The following HDAC4 variants were observed in gnomAD, a reference collection of about 807,000 sequenced individuals.
HDAC4 encodes the protein histone deacetylase A.
HDAC4 carries 16 observed loss-of-function variants against 135.1 expected under a neutral mutation model. That is an observed-to-expected ratio of 0.12 (90% CI 0.08 to 0.18). HDAC4 has a LOEUF of 0.18. HDAC4 is among the 10% of genes least tolerant of loss of function. The pLI is 1.00. For synonymous variants in HDAC4, 685 were observed against 653.4 expected (o/e 1.05, Z -0.74); for missense variants, 1,143 against 1,511.8 (o/e 0.76, Z 4.05).
At chr2:239,134,676 C>T in intron 9 of HDAC4, 33 bp from the exon 10 acceptor site, 1 of 1,516,196 alleles carries the variant, frequency 6.6e-7, no homozygotes, top group East Asian at 2.3e-5. Flanking sequence ...CCATCACAGT[C>T]TGTCACGGCC....
chr2:239,089,338 G>GC (rs1553611112), intron 18 of HDAC4, among the ~76,000 whole-genome samples: 1 of 151,852 alleles, frequency 6.6e-6, no homozygotes, highest in African/African-American at 2.4e-5. Flanking sequence ...TAATTTTTTA[G>GC]TTTTTTTTGA....
chr2:239,152,213 C>T (rs1389402945), intron 7 of HDAC4, among the ~76,000 whole-genome samples: 1 of 152,240 alleles, frequency 6.6e-6, no homozygotes, highest in East Asian at 1.9e-4. Flanking sequence ...GACTCAAAGG[C>T]TCTGTTTAAA....
chr2:239,124,210 A>T lies in HDAC4; in HGVS notation c.1533+2246T>A, dbSNP rs77883739. On this transcript the variant is annotated intron_variant, in intron 12 of 26. Transcript: ENST00000543185. ...AATGATATCATTTGTTGTTTTTAGTATATTTACAGAGCTGTGCAGTCATCA... is the reference window on the plus strand; with the variant it reads ...AATGATATCATTTGTTGTTTTTAGTTTATTTACAGAGCTGTGCAGTCATCA... Among the ~76,000 whole-genome samples the T allele has an allele frequency of 1.2e-3, 176 of 152,230 alleles. 1 individual carries two copies. The East Asian group carries it at 0.031, about 26-fold the overall frequency.
intron 7 of HDAC4, among the ~76,000 whole-genome samples, chr2:239,152,940 G>A (rs2042205349): frequency 6.6e-6 from 1 of 152,220 alleles, no homozygotes; most frequent in Admixed American, 6.5e-5. Flanking sequence ...ATAGCTCCAG[G>A]AGAGAAGCAA....
chr2:239,061,115 G>A (rs2032633652), intron 24 of HDAC4, among the ~76,000 whole-genome samples: 1 of 151,798 alleles, frequency 6.6e-6, no homozygotes, highest in Admixed American at 6.6e-5. Flanking sequence ...TTCACCGTTG[G>A]CACGGGGGGA....
chr2:239,243,703 CTG>C (rs2048320219), intron 2 of HDAC4, among the ~76,000 whole-genome samples: 1 of 152,228 alleles, frequency 6.6e-6, no homozygotes, highest in Non-Finnish European at 1.5e-5. Context: ...TTTAGAACAG[CTG>C]TGAGTTTATA....
At chr2:239,334,503 A>G (rs1691792377) in intron 2 of HDAC4, among the ~76,000 whole-genome samples, 1 of 146,338 alleles carries the variant, frequency 6.8e-6, no homozygotes, top group Non-Finnish European at 1.5e-5. Context: ...CCTGGGCAGC[A>G]GAGCAAGACT....
intron 21 of HDAC4, among the ~76,000 whole-genome samples, chr2:239,081,682 C>T (rs550018511): frequency 2.0e-5 from 3 of 152,304 alleles, no homozygotes; most frequent in African/African-American, 7.2e-5. Context: ...GGACCTGGGG[C>T]GTTGTCAAGG....
At chr2:239,247,278 G>A (rs187657585) in intron 2 of HDAC4, among the ~76,000 whole-genome samples, 5 of 152,286 alleles carry the variant, frequency 3.3e-5, no homozygotes, top group East Asian at 1.9e-4. Context: ...TTTCACTCCC[G>A]AGAATTCTAA....
intron 2 of HDAC4, among the ~76,000 whole-genome samples, chr2:239,338,973 CAAAGAA>C (rs1226612613): frequency 6.6e-6 from 1 of 152,158 alleles, no homozygotes; most frequent in Non-Finnish European, 1.5e-5. Context: ...GAAAGGTATC[CAAAGAA>C]ACTGTGAAGG....
rs75412346 is a variant in HDAC4 at position 239,257,987 on chromosome 2, T to C, written c.23-21323A>G. Among the ~76,000 whole-genome samples the C allele has an allele frequency of 6.6e-3, 1,000 of 152,304 alleles. 19 individuals carry two copies. In the East Asian group the frequency reaches 0.075, roughly 11 times the overall value. On this transcript the variant is annotated intron_variant, in intron 2 of 26. Transcript: ENST00000543185. ...AATAGTTTCAAAGTAGGAATATCAA[T>C]AGTGTTCTAGTAACGATAAAAGAGT...
At chr2:239,053,431 T>C in intron 26 of HDAC4, 29 bp downstream of exon 26, 1 of 1,608,012 alleles carries the variant, frequency 6.2e-7, no homozygotes, top group Non-Finnish European at 8.5e-7. Context: ...TGGGTGAGCC[T>C]GCAGGCGGGC....
At position 239,134,479 on chromosome 2, in the gene HDAC4, C is replaced by T. The variant is rs774808292; in HGVS notation, c.1096-36G>A. ...CAGCCAGGATGCTCGGGTGGAAGGACCCATCACCACCACCCCACACCACAC... is the reference window on the plus strand; with the variant it reads ...CAGCCAGGATGCTCGGGTGGAAGGATCCATCACCACCACCCCACACCACAC... On this transcript the variant is annotated intron_variant, in intron 10 of 26. Transcript: ENST00000543185. 4 of 1,612,894 alleles carry T rather than the reference C, an allele frequency of 2.5e-6. No homozygotes were observed. The South Asian group carries it at 3.3e-5, about 13-fold the overall frequency.
intron 2 of HDAC4, among the ~76,000 whole-genome samples, chr2:239,334,344 G>A (rs1402079820): frequency 1.3e-5 from 2 of 151,578 alleles, no homozygotes; most frequent in Non-Finnish European, 2.9e-5. Flanking sequence ...ACATGGTGAC[G>A]CCCCGTCTCT....
chr2:239,331,756 G>A lies in HDAC4; in HGVS notation c.22+20922C>T, dbSNP rs560517076. Among the ~76,000 whole-genome samples, 18 of 152,262 alleles carry A rather than the reference G, an allele frequency of 1.2e-4. No individual in the cohort carries two copies. In the South Asian group the frequency reaches 3.5e-3, roughly 30 times the overall value. The stretch of plus-strand genomic sequence containing the variant: ...GACAGGATGCAATCTAAAACACGGC[G>A]ATGCACGAGGAGCCCAGGCCTGGGA... On this transcript the variant is annotated intron_variant, in intron 2 of 26. Coordinates refer to ENST00000543185, the MANE Select transcript of HDAC4 (RefSeq NM_001378414.1). This position sits in a 1 kb window ranked among gnomAD's most constrained non-coding sequence, Gnocchi z 4.5.
At position 239,122,568 on chromosome 2, in the gene HDAC4, G is replaced by C. The variant is rs559803750; in HGVS notation, c.1533+3888C>G. Reference sequence around the variant, plus strand: ...CGGGCAACAGAAGCTGACACAGTTGGAAAACATCTGCCACCATCCCGACCA... The same window carrying C: ...CGGGCAACAGAAGCTGACACAGTTGCAAAACATCTGCCACCATCCCGACCA... On this transcript the variant is annotated intron_variant, in intron 12 of 26. Coordinates refer to ENST00000543185, the MANE Select transcript of HDAC4 (RefSeq NM_001378414.1). Among the ~76,000 whole-genome samples the C allele has an allele frequency of 8.5e-5, 13 of 152,326 alleles. No homozygotes were observed. In the East Asian group the frequency reaches 2.5e-3, roughly 29 times the overall value.
chr2:239,122,180 G>A (rs992083619), intron 12 of HDAC4, among the ~76,000 whole-genome samples: 1 of 152,142 alleles, frequency 6.6e-6, no homozygotes, highest in Non-Finnish European at 1.5e-5. Context: ...ATTCAAAACC[G>A]AGGATGTCAA....
At chr2:239,339,124 T>A (rs1692131698) in intron 2 of HDAC4, among the ~76,000 whole-genome samples, 1 of 152,210 alleles carries the variant, frequency 6.6e-6, no homozygotes, top group Admixed American at 6.5e-5. Context: ...TCTGAATGAA[T>A]ATACCAACTC....
At chr2:239,122,005 A>C (rs1048700702) in intron 12 of HDAC4, among the ~76,000 whole-genome samples, 1 of 152,222 alleles carries the variant, frequency 6.6e-6, no homozygotes, top group African/African-American at 2.4e-5. Context: ...AGCCCCTTTC[A>C]TCAATTCAGG....
Sources: gnomAD v4.1 joint callset for allele counts (sites outside exome capture counted in the v4.1 genomes callset) on GRCh38, gnomAD v4.1.1 for gene constraint, Gnocchi (gnomAD v3.1) non-coding constraint, MANE v1.5 for transcripts, NCBI Gene and HGNC (gene_info 2026-07-23, HGNC 2026-07-21) for gene names.